The following EIF3A variants were observed in gnomAD, a reference collection of about 807,000 sequenced individuals.
EIF3A encodes the protein eukaryotic translation initiation factor 3 subunit A, also known as EIF3, p180 subunit.
EIF3A carries 21 observed loss-of-function variants against 186.6 expected under a neutral mutation model. That is an observed-to-expected ratio of 0.11 (90% confidence interval 0.08 to 0.16). EIF3A has a LOEUF of 0.16. Ranked by LOEUF, EIF3A falls within the 10% of genes least tolerant of loss-of-function variation. EIF3A has a pLI of 1.00. For synonymous variants in EIF3A, 563 were observed against 584.3 expected (o/e 0.96, Z 0.52); for missense variants, 1,306 against 1,796.3 (o/e 0.73, Z 4.93).
chr10:119,060,157 A>G (rs1326103198), intron 9 of EIF3A: 1 of 498,976 alleles, frequency 2.0e-6, no homozygotes, highest in Non-Finnish European at 3.9e-6. Context: ...AGATGAAAAT[A>G]TAATAAAACG....
intron 17 of EIF3A, among the ~76,000 whole-genome samples, chr10:119,048,095 G>A (rs1305949879): frequency 6.6e-6 from 1 of 151,872 alleles, no homozygotes; most frequent in Non-Finnish European, 1.5e-5. Flanking sequence ...CTGATGAAAC[G>A]GCAGCAACAC....
intron 15 of EIF3A, among the ~76,000 whole-genome samples, chr10:119,050,939 C>T (rs1292676036): frequency 1.3e-5 from 2 of 152,146 alleles, no homozygotes; most frequent in East Asian, 1.9e-4. Flanking sequence ...AATCTAAGCC[C>T]AGGACATTTT....
At chr10:119,063,941 T>C (rs1370197420) in intron 7 of EIF3A, among the ~76,000 whole-genome samples, 2 of 152,122 alleles carry the variant, frequency 1.3e-5, no homozygotes, top group Non-Finnish European at 2.9e-5. Flanking sequence ...AAAACCACTG[T>C]AGTGGTGCGT....
At chr10:119,061,699 C>T (rs1372776225) in intron 7 of EIF3A, among the ~76,000 whole-genome samples, 1 of 152,124 alleles carries the variant, frequency 6.6e-6, no homozygotes, top group Non-Finnish European at 1.5e-5. Flanking sequence ...CAAAAATTAT[C>T]ATGGCAGCAC....
intron 6 of EIF3A, among the ~76,000 whole-genome samples, chr10:119,066,525 A>C (rs1366479927): frequency 6.8e-6 from 1 of 148,100 alleles, no homozygotes; most frequent in African/African-American, 2.5e-5. Flanking sequence ...AAAAAAAAAA[A>C]AAAAAAAAAA....
chr10:119,055,669 T>C (rs1177220547), intron 14 of EIF3A, among the ~76,000 whole-genome samples: 1 of 152,130 alleles, frequency 6.6e-6, no homozygotes, highest in African/African-American at 2.4e-5. Flanking sequence ...CCCAGGACTT[T>C]GAGACCTGCC....
chr10:119,076,812 T>C (rs1844181849), intron 1 of EIF3A, among the ~76,000 whole-genome samples: 3 of 151,736 alleles, frequency 2.0e-5, no homozygotes, highest in Non-Finnish European at 4.4e-5. Context: ...GGTGCATGCC[T>C]GTAATCCCAA....
At chr10:119,079,411 T>A (rs561833495) in intron 1 of EIF3A, among the ~76,000 whole-genome samples, 1 of 152,300 alleles carries the variant, frequency 6.6e-6, no homozygotes, top group African/African-American at 2.4e-5. Context: ...GCCATTTTCA[T>A]AAGATGAATT....
At chr10:119,075,626 G>GA (rs1243548793) in intron 1 of EIF3A, among the ~76,000 whole-genome samples, 4 of 126,494 alleles carry the variant, frequency 3.2e-5, no homozygotes, top group Non-Finnish European at 6.6e-5. Flanking sequence ...AAAAAAGGGG[G>GA]GGAGCTTAAA....
chr10:119,056,542 GTCCTTTGTTT>G (rs1843785903), intron 14 of EIF3A, among the ~76,000 whole-genome samples, 188 bp downstream of exon 14: 1 of 152,122 alleles, frequency 6.6e-6, no homozygotes, highest in Non-Finnish European at 1.5e-5. Flanking sequence ...CTTTTCAGTT[GTCCTTTGTTT>G]TCCAAGTTTC....
At chr10:119,060,673 T>C in intron 9 of EIF3A, 73 bp downstream of exon 9, 2 of 1,164,950 alleles carry the variant, frequency 1.7e-6, no homozygotes, top group South Asian at 1.5e-5. Context: ...TAGGCAGTTC[T>C]AGATTTTTCC....
At chr10:119,060,620 C>A in intron 9 of EIF3A, 126 bp downstream of exon 9, 1 of 582,558 alleles carries the variant, frequency 1.7e-6, no homozygotes, top group South Asian at 2.4e-5. Context: ...AATAAATAGA[C>A]TAATTTTTGC....
In EIF3A at chr10:119,071,089, T is replaced by C. The variant is rs1564760555; in HGVS notation, c.542-4A>G. Reference sequence around the variant, plus strand: ...TATTGGAGGCAGAATTTGAAAGCTATAAGCATAATTGTAAAATATATTAGG... The same window carrying C: ...TATTGGAGGCAGAATTTGAAAGCTACAAGCATAATTGTAAAATATATTAGG... On this transcript the variant is annotated splice_region_variant and splice_polypyrimidine_tract_variant and intron_variant, in intron 4 of 21. Coordinates refer to ENST00000369144, the MANE Select transcript of EIF3A (RefSeq NM_003750.4). 7.5e-6 allele frequency: 12 copies of C among 1,605,756 alleles called. No homozygotes were observed. The highest frequency in any genetic ancestry group is 1.0e-5 in the Non-Finnish European group (12 of 1,172,344).
Position 119,065,918 on chromosome 10 carries a change from C to A in EIF3A, c.951-348G>T, listed in dbSNP as rs187311602. ...CATCACGACGTCAAGAGATCGAGAC[C>A]ATCCTGGCTAACACGGTGAAACCCC... On this transcript the variant is annotated intron_variant, in intron 6 of 21. Transcript: ENST00000369144. 1.5e-3 allele frequency among the ~76,000 whole-genome samples: 234 copies of A among 151,022 alleles called. 2 individuals are homozygous for A. The highest frequency in any genetic ancestry group is 5.2e-3 in the African/African-American group (212 of 41,138).
Position 119,073,843 on chromosome 10 carries a change from T to G in EIF3A, c.144A>C (p.Glu48Asp). 1 of 1,613,894 alleles carries G rather than the reference T, an allele frequency of 6.2e-7. No individual in the cohort carries two copies. Among genetic ancestry groups the G allele is most frequent in the Non-Finnish European group, 8.5e-7 (1 of 1,179,946 alleles). Reference sequence around the variant, plus strand: ...GTTCCAAGTATTTCAACATAATTGGTTCGTGTATCTTTTGCCATGTTCTAT... The same window carrying G: ...GTTCCAAGTATTTCAACATAATTGGGTCGTGTATCTTTTGCCATGTTCTAT... Reference protein sequence around the residue: ...KKHRTWQKIHEPIMLKYLELC... With the variant: ...KKHRTWQKIHDPIMLKYLELC... Residue 48 changes from glutamate (E) to aspartate (D), a missense_variant, in exon 2 of 22, where the codon GAA becomes GAC. Glu to Asp is a conservative substitution (Grantham distance 45). Around this residue, in one of 8 missense-constraint regions of EIF3A, gnomAD observed 130 missense variants for 259.3 expected, o/e 0.50. Transcript: ENST00000369144.
At chr10:119,051,576 A>G (rs1252049986) in intron 14 of EIF3A, among the ~76,000 whole-genome samples, 1 of 152,186 alleles carries the variant, frequency 6.6e-6, no homozygotes, top group African/African-American at 2.4e-5. Flanking sequence ...GGAACTTTAT[A>G]AAGGAAAAAT....
At chr10:119,080,466 G>A in intron 1 of EIF3A, 162 bp downstream of exon 1, 1 of 985,412 alleles carries the variant, frequency 1.0e-6, no homozygotes. Flanking sequence ...GAGTGAGAAG[G>A]AAACCCATGC....
chr10:119,080,776 C>A lies in EIF3A; in HGVS notation c.-100G>T. ...AACCAGCGTAAGGTCCCACGCGCCT[C>A]GCCAGCAGTCGCCCGCGCCCAGCCG... is the stretch of plus-strand genomic sequence containing the variant. On this transcript the variant is annotated 5_prime_UTR_variant, in exon 1 of 22. Coordinates refer to ENST00000369144, the MANE Select transcript of EIF3A (RefSeq NM_003750.4). 6.9e-7 allele frequency: 1 copy of A among 1,458,244 alleles called. No individual in the cohort carries two copies. Among genetic ancestry groups the A allele is most frequent in the Non-Finnish European group, 9.1e-7 (1 of 1,101,284 alleles). 90.3% of individuals were successfully genotyped at this position (1,458,244 alleles called of 1,614,324 possible).
Position 119,060,856 on chromosome 10 carries a change from A to G in EIF3A, c.1228-12T>C, listed in dbSNP as rs757512055. On this transcript the variant is annotated splice_polypyrimidine_tract_variant and intron_variant, in intron 8 of 21. Transcript: ENST00000369144. ...ACCCAATTTAGAACCTATAAAATCC[A>G]TTAAATTGAAAGAGAATCACACTTT... The G allele has an allele frequency of 1.9e-6, 3 of 1,556,636 alleles. No homozygotes were observed.
Sources: gnomAD v4.1 joint callset for allele counts (sites outside exome capture counted in the v4.1 genomes callset) on GRCh38, gnomAD v4.1.1 for gene constraint, gnomAD v4.1.1 regional missense constraint, MANE v1.5 for transcripts, NCBI Gene and HGNC (gene_info 2026-07-23, HGNC 2026-07-21) for gene names.